Variants in EXOC6B observed in about 807,000 individuals in gnomAD.
The protein encoded by EXOC6B is SEC15 homolog B.
A neutral mutation model predicts 113.5 loss-of-function variants in EXOC6B; 54 were observed. The ratio of observed to expected loss-of-function variants is 0.48; its 90% CI spans 0.38 to 0.60. EXOC6B has a LOEUF of 0.60. Among genes scored for constraint, EXOC6B ranks in the 20% least tolerant of loss-of-function variants. The pLI, the probability that EXOC6B is intolerant of heterozygous loss-of-function variation, is 0.00. For synonymous variants in EXOC6B, 357 were observed against 339.0 expected, an observed-to-expected ratio of 1.05 and a Z score of -0.58; for missense variants, 797 against 977.5, an observed-to-expected ratio of 0.82 and a Z score of 2.46.
chr2:72,531,734 C>T (rs940118692), intron 8 of EXOC6B, among the ~76,000 whole-genome samples: 1 of 151,926 alleles, frequency 6.6e-6, no homozygotes, highest in Non-Finnish European at 1.5e-5. Context: ...ACCTGTAATC[C>T]CAGCACTTTG....
chr2:72,695,255 G>T (rs914392097), intron 6 of EXOC6B, among the ~76,000 whole-genome samples: 23 of 152,144 alleles, frequency 1.5e-4, no homozygotes, highest in Admixed American at 3.9e-4. Context: ...GGCTTTTCTA[G>T]TAGTAAACTT....
At chr2:72,767,818 A>AAAAAAAAAAAAAAAAG (rs1683169258) in intron 1 of EXOC6B, among the ~76,000 whole-genome samples, 1 of 136,598 alleles carries the variant, frequency 7.3e-6, no homozygotes, top group Non-Finnish European at 1.6e-5. Context: ...TAAAAAAAAA[A>AAAAAAAAAAAAAAAAG]AAAAAAAAAA....
At chr2:72,685,514 A>C (rs1163744083) in intron 6 of EXOC6B, among the ~76,000 whole-genome samples, 1 of 152,178 alleles carries the variant, frequency 6.6e-6, no homozygotes, top group Admixed American at 6.5e-5. Flanking sequence ...TACTGACTGT[A>C]ACAGCACCTA....
At chr2:72,296,443 TAGATAA>T (rs1183578643) in intron 20 of EXOC6B, among the ~76,000 whole-genome samples, 1 of 152,132 alleles carries the variant, frequency 6.6e-6, no homozygotes, top group East Asian at 1.9e-4. Flanking sequence ...CATAAATATT[TAGATAA>T]AGATAATTCA....
intron 17 of EXOC6B, among the ~76,000 whole-genome samples, chr2:72,478,630 G>A (rs1698891987): frequency 6.6e-6 from 1 of 152,144 alleles, no homozygotes; most frequent in Non-Finnish European, 1.5e-5. Flanking sequence ...AGCCCCTATG[G>A]CTTCCTGTCT....
intron 1 of EXOC6B, among the ~76,000 whole-genome samples, chr2:72,758,975 C>T (rs13008515): frequency 0.55 from 83,797 of 152,062 alleles, 28,222 homozygotes; most frequent in East Asian, 0.92. Flanking sequence ...GTAGTTTTAC[C>T]CTCTGGACAT....
intron 20 of EXOC6B, among the ~76,000 whole-genome samples, chr2:72,224,822 GTGTGTGTA>G (rs1047956193): frequency 4.7e-5 from 7 of 150,400 alleles, no homozygotes; most frequent in East Asian, 3.9e-4. Context: ...GTGTGTGTGC[GTGTGTGTA>G]TGTGTGTATG....
At chr2:72,220,593 T>C (rs1161181291) in intron 20 of EXOC6B, among the ~76,000 whole-genome samples, 1 of 152,214 alleles carries the variant, frequency 6.6e-6, no homozygotes, top group African/African-American at 2.4e-5. Context: ...ATATATTTCA[T>C]CCCTTCAATG....
intron 6 of EXOC6B, among the ~76,000 whole-genome samples, chr2:72,689,565 G>A (rs372174304): frequency 3.3e-5 from 5 of 152,320 alleles, no homozygotes; most frequent in African/African-American, 1.2e-4. Context: ...GCTATGAAGT[G>A]AGGTTAGGGG....
chr2:72,508,433 A>G (rs536989884), intron 11 of EXOC6B, among the ~76,000 whole-genome samples: 146 of 152,242 alleles, frequency 9.6e-4, no homozygotes, highest in African/African-American at 3.4e-3. Context: ...GGGGATAAAT[A>G]GCATATTTTA....
intron 8 of EXOC6B, among the ~76,000 whole-genome samples, chr2:72,523,953 TAAGGACAA>T (rs1221195797): frequency 6.6e-6 from 1 of 151,774 alleles, no homozygotes; most frequent in African/African-American, 2.4e-5. Context: ...GAGAAGCAAC[TAAGGACAA>T]CCATACAAAG....
At chr2:72,331,432 G>C (rs1298414051) in intron 20 of EXOC6B, among the ~76,000 whole-genome samples, 1 of 151,914 alleles carries the variant, frequency 6.6e-6, no homozygotes, top group Non-Finnish European at 1.5e-5. Flanking sequence ...ATCTACTATT[G>C]GTCCTTTATT....
chr2:72,746,391 T>C (rs1681696223), intron 1 of EXOC6B, among the ~76,000 whole-genome samples: 1 of 152,076 alleles, frequency 6.6e-6, no homozygotes, highest in Admixed American at 6.6e-5. Context: ...ATGTGGAGTC[T>C]GGTTTCCAAA....
Position 72,733,898 on chromosome 2 carries a change from T to A in EXOC6B, c.280-780A>T, listed in dbSNP as rs531469556. Among the ~76,000 whole-genome samples the A allele has an allele frequency of 9.8e-5, 15 of 152,362 alleles. No homozygotes were observed. The East Asian group carries it at 2.9e-3, about 29-fold the overall frequency. The stretch of plus-strand genomic sequence containing the variant: ...TAATTGCTACTCCTTATACTTTTAG[T>A]GCATCCCCTAACCTAGCATTTCCTA... On this transcript the variant is annotated intron_variant, in intron 2 of 21. Coordinates refer to ENST00000272427, the MANE Select transcript of EXOC6B (RefSeq NM_015189.3).
intron 18 of EXOC6B, among the ~76,000 whole-genome samples, chr2:72,415,103 A>G (rs1485856347): frequency 6.6e-6 from 1 of 152,214 alleles, no homozygotes; most frequent in Non-Finnish European, 1.5e-5. Context: ...CATTTAAGAA[A>G]TAAAATCAAT....
intron 18 of EXOC6B, among the ~76,000 whole-genome samples, chr2:72,401,542 T>C (rs1412151685): frequency 6.1e-5 from 1 of 16,306 alleles, no homozygotes; most frequent in Non-Finnish European, 1.0e-4. Flanking sequence ...TATATATATA[T>C]ATGTGTATAT....
chr2:72,191,641 ACAAGCCAAAGTGGAAACCAGTC>A (rs1035973626), intron 20 of EXOC6B, among the ~76,000 whole-genome samples: 4 of 152,218 alleles, frequency 2.6e-5, no homozygotes, highest in Admixed American at 6.5e-5. Flanking sequence ...AAAAATCCAA[ACAAGCCAAAGTGGAAACCAGTC>A]CAAGGCCATA....
chr2:72,435,714 C>CTT (rs796854472), intron 18 of EXOC6B, among the ~76,000 whole-genome samples: 15 of 126,480 alleles, frequency 1.2e-4, no homozygotes, highest in African/African-American at 2.2e-4. Flanking sequence ...GCATCCCCTG[C>CTT]TTTTTTTTTG....
intron 6 of EXOC6B, among the ~76,000 whole-genome samples, chr2:72,586,765 A>G (rs1705612479): frequency 6.6e-6 from 1 of 151,998 alleles, no homozygotes. Flanking sequence ...AAATAAAAAA[A>G]TAAAAAAAAA....
Sources: allele counts gnomAD v4.1 joint callset (sites outside exome capture counted in the v4.1 genomes callset), GRCh38; gene constraint gnomAD v4.1.1; transcripts MANE v1.5; gene names NCBI Gene and HGNC (gene_info 2026-07-23, HGNC 2026-07-21).